CAMK1D: variants seen among roughly 807,000 people sequenced by gnomAD.
CAMK1D encodes calcium/calmodulin-dependent protein kinase type 1D.
CAMK1D carries 9 observed loss-of-function variants against 47.7 expected under a neutral mutation model. The ratio of observed to expected loss-of-function variants is 0.19; its 90% confidence interval spans 0.11 to 0.33. CAMK1D has a LOEUF of 0.33. Ranked by LOEUF, CAMK1D falls within the 10% of genes least tolerant of loss-of-function variation. The pLI is 1.00. For missense variants in CAMK1D, 291 were observed against 488.7 expected, an observed-to-expected ratio of 0.60 and a Z score of 3.81; for synonymous variants, 184 against 184.9, an observed-to-expected ratio of 0.99 and a Z score of 0.04.
chr10:12,565,834 G>A (rs950211142), intron 2 of CAMK1D, among the ~76,000 whole-genome samples: 1 of 151,902 alleles, frequency 6.6e-6, no homozygotes, highest in African/African-American at 2.4e-5. Context: ...GATTTGACCC[G>A]TCTGCTGTCC....
chr10:12,832,078 A>G lies in CAMK1D; in HGVS notation c.*3191A>G, dbSNP rs1234069465. 1 of 152,348 alleles carries G rather than the reference A, an allele frequency of 6.6e-6. No homozygotes were observed. The highest frequency in any genetic ancestry group is 2.4e-5 in the African/African-American group (1 of 41,442). 9.4% of individuals were successfully genotyped at this position (152,348 alleles called of 1,614,324 possible). Reference sequence around the variant, plus strand: ...AGCCCAAGTCCCCCATTTGGTCACTATCCCTTCTCAGAGCAAGTGGATTCT... The same window carrying G: ...AGCCCAAGTCCCCCATTTGGTCACTGTCCCTTCTCAGAGCAAGTGGATTCT... On this transcript the variant is annotated 3_prime_UTR_variant, in exon 11 of 11. Coordinates refer to ENST00000619168, the MANE Select transcript of CAMK1D (RefSeq NM_153498.4).
intron 1 of CAMK1D, among the ~76,000 whole-genome samples, chr10:12,449,167 T>A (rs1418307470): frequency 6.6e-6 from 1 of 152,154 alleles, no homozygotes; most frequent in Non-Finnish European, 1.5e-5. Context: ...TACATGAGTA[T>A]TTGGCCATTA....
intron 8 of CAMK1D, among the ~76,000 whole-genome samples, chr10:12,819,365 G>A (rs1008873458): frequency 6.6e-6 from 1 of 152,226 alleles, no homozygotes; most frequent in Admixed American, 6.5e-5. Context: ...TCCAGAGTAG[G>A]AGAGGACGCA....
At chr10:12,429,333 A>G (rs971786834) in intron 1 of CAMK1D, among the ~76,000 whole-genome samples, 9 of 149,994 alleles carry the variant, frequency 6.0e-5, no homozygotes, top group African/African-American at 2.0e-4. Flanking sequence ...CCCCTTCCCC[A>G]TTCTCTCTCT....
chr10:12,405,725 C>T (rs1245465256), intron 1 of CAMK1D, among the ~76,000 whole-genome samples: 1 of 152,196 alleles, frequency 6.6e-6, no homozygotes, highest in Non-Finnish European at 1.5e-5. Flanking sequence ...GTTTGTTGAG[C>T]AAACCCGTGA....
intron 6 of CAMK1D, among the ~76,000 whole-genome samples, chr10:12,805,921 A>C (rs189850462): frequency 5.3e-5 from 8 of 152,232 alleles, no homozygotes; most frequent in African/African-American, 1.9e-4. Flanking sequence ...AGAGAAGACA[A>C]TGGGACATAG....
intron 3 of CAMK1D, among the ~76,000 whole-genome samples, chr10:12,736,972 G>A (rs1480942945): frequency 6.6e-6 from 1 of 152,182 alleles, no homozygotes; most frequent in Admixed American, 6.5e-5. Flanking sequence ...GTTGCCCCAA[G>A]GTTGCTTCAT....
intron 1 of CAMK1D, among the ~76,000 whole-genome samples, chr10:12,397,560 T>G (rs2131904943): frequency 6.6e-6 from 1 of 152,300 alleles, no homozygotes; most frequent in South Asian, 2.1e-4. Context: ...AGTTTCCTCT[T>G]CCGCTGTGCC....
In CAMK1D at chr10:12,829,857, G is replaced by C. The variant is rs906426358; in HGVS notation, c.*970G>C. 1 of 152,124 alleles carries C rather than the reference G, an allele frequency of 6.6e-6. No individual in the cohort carries two copies. Among genetic ancestry groups the C allele is most frequent in the Non-Finnish European group, 1.5e-5 (1 of 68,164 alleles). 9.4% of individuals were successfully genotyped at this position (152,124 alleles called of 1,614,324 possible). A position where few individuals can be genotyped will look rare whatever the true frequency, so the allele number is the denominator to read the frequency against. On this transcript the variant is annotated 3_prime_UTR_variant, in exon 11 of 11. Transcript: ENST00000619168. The stretch of plus-strand genomic sequence containing the variant: ...AGGAGGAGGGGCCCCTCAGTTCTGC[G>C]AGGCTCTCTTCTCTGCGGGGGACTT...
intron 6 of CAMK1D, among the ~76,000 whole-genome samples, chr10:12,807,793 C>T (rs1288207650): frequency 6.6e-6 from 1 of 152,224 alleles, no homozygotes; most frequent in East Asian, 1.9e-4. Flanking sequence ...GTTCCTCCGT[C>T]CAGCTCCACT....
At chr10:12,591,156 AG>A (rs1232106163) in intron 2 of CAMK1D, among the ~76,000 whole-genome samples, 3 of 152,202 alleles carry the variant, frequency 2.0e-5, no homozygotes, top group Admixed American at 6.5e-5. Context: ...CAGAGGGGTC[AG>A]GGACAGAGAT....
chr10:12,823,844 T>G (rs1833100273), intron 8 of CAMK1D, among the ~76,000 whole-genome samples: 1 of 148,608 alleles, frequency 6.7e-6, no homozygotes, highest in Non-Finnish European at 1.5e-5. Flanking sequence ...CAGCATAGAG[T>G]GGGTGGGGGG....
intron 4 of CAMK1D, among the ~76,000 whole-genome samples, chr10:12,763,856 T>A (rs938860272): frequency 5.9e-5 from 9 of 152,230 alleles, no homozygotes; most frequent in Admixed American, 3.3e-4. Flanking sequence ...TGCCATAATA[T>A]GCCGAAAACT....
intron 2 of CAMK1D, among the ~76,000 whole-genome samples, chr10:12,650,687 A>G (rs1588734414): frequency 6.6e-6 from 1 of 152,148 alleles, no homozygotes; most frequent in African/African-American, 2.4e-5. Context: ...ACCCGCCCCA[A>G]TCTGCAGCGC....
At chr10:12,593,585 C>T (rs557999352) in intron 2 of CAMK1D, among the ~76,000 whole-genome samples, 33 of 152,166 alleles carry the variant, frequency 2.2e-4, no homozygotes, top group African/African-American at 5.8e-4. Context: ...AGCGAAACTC[C>T]GTCTCAAAAA....
chr10:12,538,236 A>G (rs999783485), intron 1 of CAMK1D, among the ~76,000 whole-genome samples: 3 of 152,214 alleles, frequency 2.0e-5, no homozygotes, highest in African/African-American at 4.8e-5. Context: ...GGTCCGTATC[A>G]TTGCCTGTGA....
At chr10:12,603,020 C>T (rs1838351119) in intron 2 of CAMK1D, among the ~76,000 whole-genome samples, 1 of 151,624 alleles carries the variant, frequency 6.6e-6, no homozygotes, top group African/African-American at 2.4e-5. Context: ...AAGTGATTCT[C>T]CTGCCTCAGC....
chr10:12,616,260 C>T (rs1376396578), intron 2 of CAMK1D, among the ~76,000 whole-genome samples: 1 of 152,064 alleles, frequency 6.6e-6, no homozygotes, highest in East Asian at 1.9e-4. Context: ...CAAGTATGGG[C>T]AGGCTTGAAT....
intron 2 of CAMK1D, among the ~76,000 whole-genome samples, chr10:12,568,077 C>CGCCCTCCCACCTTGCCTGCCT (rs140702193): frequency 0.52 from 69,993 of 135,898 alleles, 18,473 homozygotes; most frequent in Middle Eastern, 0.59. Context: ...TAGGCCTGCC[C>CGCCCTCCCACCTTGCCTGCCT]GCCCTCCCAC....
Sources: gnomAD v4.1 joint callset for allele counts (sites outside exome capture counted in the v4.1 genomes callset) on GRCh38, gnomAD v4.1.1 for gene constraint, MANE v1.5 for transcripts, NCBI Gene and HGNC (gene_info 2026-07-23, HGNC 2026-07-21) for gene names.